SLC19A1: variants seen among roughly 807,000 people sequenced by gnomAD.
SLC19A1 encodes solute carrier family 19 member 1.
A neutral mutation model predicts 35.3 loss-of-function variants in SLC19A1; 37 were observed. The observed-to-expected ratio is 1.05, with a 90% CI of 0.81 to 1.38. The LOEUF is 1.38. Ranked by LOEUF, SLC19A1 falls within the 40% of genes most tolerant of loss-of-function variation. The pLI, the probability that SLC19A1 is intolerant of heterozygous loss-of-function variation, is 0.00. For synonymous variants in SLC19A1, 460 were observed against 398.5 expected, an observed-to-expected ratio of 1.15 and a Z score of -1.84; for missense variants, 831 against 826.9, an observed-to-expected ratio of 1.00 and a Z score of -0.06.
chr21:45,525,744 G>C, intron 5 of SLC19A1, 73 bp downstream of exon 5: 5 of 1,541,240 alleles, frequency 3.2e-6, no homozygotes, highest in Non-Finnish European at 4.4e-6. Flanking sequence ...CATCAGGCGG[G>C]CACCAGGAGG....
At chr21:45,554,659 C>T (rs574198262) in intron 1 of SLC19A1, among the ~76,000 whole-genome samples, 2 of 147,678 alleles carry the variant, frequency 1.4e-5, no homozygotes, top group African/African-American at 5.0e-5. Context: ...TTCAGGCCGG[C>T]GATCCTTCCT....
intron 4 of SLC19A1, among the ~76,000 whole-genome samples, chr21:45,528,624 G>A (rs767412168): frequency 1.3e-5 from 2 of 152,154 alleles, no homozygotes; most frequent in Non-Finnish European, 2.9e-5. Context: ...CTCCAACCTG[G>A]CCATTCCCCT....
downstream of SLC19A1, chr21:45,510,086 G>A: frequency 6.3e-7 from 1 of 1,582,224 alleles, no homozygotes. Context: ...GCGCTCAACA[G>A]CCCCCTGTCA....
chr21:45,510,938 A>ACACCC (rs1271906023), downstream of SLC19A1, among the ~76,000 whole-genome samples: 1 of 41,994 alleles, frequency 2.4e-5, no homozygotes, highest in Non-Finnish European at 4.2e-5. Context: ...CCCCCAAAAA[A>ACACCC]ACACACACCC....
chr21:45,517,106 G>C lies in SLC19A1; in HGVS notation c.1294-966C>G, dbSNP rs1423564089. ...CCGGGCCCTCGGGGTCTGGGGAGCT[G>C]TGCCACGCAAGGACAGACTGTGCCA... On this transcript the variant is annotated intron_variant, in intron 5 of 5. Transcript: ENST00000311124. The surrounding 1 kb of genome is among the most constrained non-coding windows in gnomAD (Gnocchi z 4.4). Among the ~76,000 whole-genome samples the C allele has an allele frequency of 3.3e-5, 5 of 152,264 alleles. No homozygotes were observed. The highest frequency in any genetic ancestry group is 1.2e-4 in the African/African-American group (5 of 41,558).
chr21:45,517,312 C>T lies in SLC19A1; in HGVS notation c.1294-1172G>A, dbSNP rs1360369495. On this transcript the variant is annotated intron_variant, in intron 5 of 5. Transcript: ENST00000311124. The surrounding 1 kb of genome is among the most constrained non-coding windows in gnomAD (Gnocchi z 4.4). ...AGACCTTTCGACAGGAATCGCCCTGCTCCCCGCAAACACCAGACCTCGGCT... is the reference window on the plus strand; with the variant it reads ...AGACCTTTCGACAGGAATCGCCCTGTTCCCCGCAAACACCAGACCTCGGCT... Among the ~76,000 whole-genome samples the T allele has an allele frequency of 6.6e-6, 1 of 152,164 alleles. No individual in the cohort carries two copies. The highest frequency in any genetic ancestry group is 2.4e-5 in the African/African-American group (1 of 41,436).
downstream of SLC19A1, among the ~76,000 whole-genome samples, chr21:45,508,407 GATGAGTGGATGA>G (rs994747344): frequency 1.4e-5 from 2 of 142,984 alleles, no homozygotes; most frequent in Non-Finnish European, 3.0e-5. Flanking sequence ...TGGATAGGTA[GATGAGTGGATGA>G]ATGGGTGGAT....
chr21:45,543,275 G>A (rs1305895839), upstream of SLC19A1, among the ~76,000 whole-genome samples: 3 of 152,238 alleles, frequency 2.0e-5, no homozygotes, highest in Non-Finnish European at 2.9e-5. Context: ...GGAGAAGTGG[G>A]GGGCCTCAGG....
Position 45,505,188 on chromosome 21 carries a change from C to T in SLC19A1, c.498-6576G>A, listed in dbSNP as rs779499435. On this transcript the variant is annotated intron_variant, in intron 3 of 4. Coordinates refer to the SLC19A1 transcript ENST00000417954. ...GCCCGGCCCACCTGGACCTCAGGGA[C>T]CCCCCGGCATCGGCTACGAGGGGCG... 5 of 1,602,540 alleles carry T rather than the reference C, an allele frequency of 3.1e-6. No homozygotes were observed. The South Asian group carries it at 5.6e-5, about 18-fold the overall frequency.
At chr21:45,526,900 T>C (rs571925253) in intron 4 of SLC19A1, among the ~76,000 whole-genome samples, 1 of 152,236 alleles carries the variant, frequency 6.6e-6, no homozygotes, top group Non-Finnish European at 1.5e-5. Flanking sequence ...TTAGGGATGC[T>C]GAACCTATAC....
chr21:45,526,718 C>T (rs376872029), intron 4 of SLC19A1, among the ~76,000 whole-genome samples: 7 of 152,206 alleles, frequency 4.6e-5, no homozygotes, highest in East Asian at 1.9e-4. Flanking sequence ...ATTACAGGCA[C>T]GCGCCATCAT....
intron 1 of SLC19A1, among the ~76,000 whole-genome samples, chr21:45,559,714 C>T (rs2078597025): frequency 6.6e-6 from 1 of 152,178 alleles, no homozygotes; most frequent in Non-Finnish European, 1.5e-5. Context: ...TCAGCACACG[C>T]AGAGCTTCCG....
Position 45,527,620 on chromosome 21 carries a change from A to G in SLC19A1, c.1152-1662T>C, listed in dbSNP as rs11701985. 1.4e-3 allele frequency among the ~76,000 whole-genome samples: 90 copies of G among 64,804 alleles called. 18 individuals are homozygous for G. The highest frequency in any genetic ancestry group is 2.6e-3 in the Admixed American group (17 of 6,508). 42.5% of individuals were successfully genotyped at this position (64,804 alleles called of 152,430 possible). A position where few individuals can be genotyped will look rare whatever the true frequency, so the allele number is the denominator to read the frequency against. ...TGGGCCCTGGAGGTGAGTGGCAGCC[A>G]GGCAGGGCGGGCCCTGGAGGTGAGT... On this transcript the variant is annotated intron_variant, in intron 4 of 5. Coordinates refer to ENST00000311124, the MANE Select transcript of SLC19A1 (RefSeq NM_194255.4).
chr21:45,503,901 G>T (rs866014617), intron 3 of SLC19A1: 1 of 1,121,866 alleles, frequency 8.9e-7, no homozygotes, highest in Non-Finnish European at 1.4e-6. Flanking sequence ...TCTCTACCGC[G>T]AAATGGCTAG....
chr21:45,524,744 A>G (rs1602742497), intron 5 of SLC19A1, among the ~76,000 whole-genome samples: 1 of 81,328 alleles, frequency 1.2e-5, no homozygotes. Flanking sequence ...CACCTGCCCT[A>G]AGCGTTCACC....
chr21:45,543,210 C>T (rs989862128), upstream of SLC19A1, among the ~76,000 whole-genome samples: 1 of 152,150 alleles, frequency 6.6e-6, no homozygotes, highest in African/African-American at 2.4e-5. Flanking sequence ...CCCAGGAAGG[C>T]GTGGGGCTGC....
At chr21:45,526,621 G>A (rs889465332) in intron 4 of SLC19A1, among the ~76,000 whole-genome samples, 1 of 152,158 alleles carries the variant, frequency 6.6e-6, no homozygotes, top group Non-Finnish European at 1.5e-5. Flanking sequence ...TGTTGCCCAG[G>A]CGTGCAATGG....
At chr21:45,528,211 C>G (rs1389388344) in intron 4 of SLC19A1, among the ~76,000 whole-genome samples, 2 of 152,012 alleles carry the variant, frequency 1.3e-5, no homozygotes, top group East Asian at 3.9e-4. Flanking sequence ...AGCACAAACA[C>G]GAGCTTCTGG....
At position 45,514,981 on chromosome 21, in the gene SLC19A1, A is replaced by G. The variant is rs2146183647; in HGVS notation, c.*677T>C. On this transcript the variant is annotated 3_prime_UTR_variant, in exon 6 of 6. Transcript: ENST00000311124. ...AGCAGCTGAGGACCCGCAGGTCAGG[A>G]TGGACACACTTCAGAAGGACAGACA... is the stretch of plus-strand genomic sequence containing the variant. 2 of 1,508,786 alleles carry G rather than the reference A, an allele frequency of 1.3e-6. No homozygotes were observed. The highest frequency in any genetic ancestry group is 2.6e-5 in the Admixed American group (1 of 39,122). The allele number at this position is 1,508,786 out of a possible 1,614,324, so 93.5% of individuals were successfully genotyped here. A position where few individuals can be genotyped will look rare whatever the true frequency, so the allele number is the denominator to read the frequency against.
Sources: gnomAD v4.1 joint callset for allele counts (sites outside exome capture counted in the v4.1 genomes callset) on GRCh38, gnomAD v4.1.1 for gene constraint, Gnocchi (gnomAD v3.1) non-coding constraint, MANE v1.5 for transcripts, NCBI Gene and HGNC (gene_info 2026-07-23, HGNC 2026-07-21) for gene names.